RNF216: variants seen among roughly 807,000 people sequenced by gnomAD.
RNF216 encodes the protein E3 ubiquitin-protein ligase RNF216.
A neutral mutation model predicts 110.8 loss-of-function variants in RNF216; 72 were observed. The observed-to-expected ratio is 0.65, with a 90% confidence interval of 0.54 to 0.79. The LOEUF is 0.79. RNF216 is among the 30% of genes least tolerant of loss of function. RNF216 has a pLI of 0.00. For synonymous variants in RNF216, 495 were observed against 407.5 expected (o/e 1.21, Z -2.59); for missense variants, 1,342 against 1,141.2 (o/e 1.18, Z -2.54).
At chr7:5,637,250 T>G (rs980124889) in intron 15 of RNF216, among the ~76,000 whole-genome samples, 3 of 152,178 alleles carry the variant, frequency 2.0e-5, no homozygotes, top group Non-Finnish European at 4.4e-5. Flanking sequence ...CACTTCCCAC[T>G]GTGGGCTGCA....
chr7:5,625,341 C>T (rs1305043267), intron 15 of RNF216, among the ~76,000 whole-genome samples: 1 of 152,200 alleles, frequency 6.6e-6, no homozygotes, highest in Non-Finnish European at 1.5e-5. Context: ...TGCAAGCAGT[C>T]TAATGAAAGC....
At chr7:5,724,257 C>A (rs1173687164) in intron 8 of RNF216, among the ~76,000 whole-genome samples, 1 of 152,140 alleles carries the variant, frequency 6.6e-6, no homozygotes, top group Non-Finnish European at 1.5e-5. Flanking sequence ...GATGAAGGGA[C>A]AACAGTCAGA....
At chr7:5,667,070 T>C (rs1356724034) in intron 13 of RNF216, among the ~76,000 whole-genome samples, 2 of 152,256 alleles carry the variant, frequency 1.3e-5, no homozygotes, top group East Asian at 3.9e-4. Flanking sequence ...GCCTCCCATA[T>C]GCTGGGATTA....
At chr7:5,673,154 C>G (rs140248700) in intron 13 of RNF216, among the ~76,000 whole-genome samples, 6 of 152,144 alleles carry the variant, frequency 3.9e-5, no homozygotes, top group Non-Finnish European at 7.4e-5. Context: ...AATGCCCCAC[C>G]TGCGGGCAGT....
chr7:5,658,861 A>C (rs76368066), intron 13 of RNF216, among the ~76,000 whole-genome samples: 8 of 152,146 alleles, frequency 5.3e-5, no homozygotes, highest in African/African-American at 1.9e-4. Context: ...TACGGCAAGC[A>C]ATAAAATTGT....
At chr7:5,770,503 TAAATGTAGAGACATACCATATTCAC>T (rs1457029566) in intron 1 of RNF216, among the ~76,000 whole-genome samples, 4 of 151,286 alleles carry the variant, frequency 2.6e-5, no homozygotes, top group African/African-American at 4.9e-5. Context: ...AAATATCAAA[TAAATGTAGAGACATACCATATTCAC>T]GGGTGGGAAA....
chr7:5,713,470 C>T (rs6463507), intron 11 of RNF216: 124,968 of 152,322 alleles, frequency 0.82, 53,149 homozygotes, highest in Middle Eastern at 0.92. Flanking sequence ...AGAGAACTCT[C>T]CAGACCTTTC....
chr7:5,745,509 A>G lies in RNF216; in HGVS notation c.202-3694T>C, dbSNP rs186501061. Among the ~76,000 whole-genome samples, 1,521 of 152,336 alleles carry G rather than the reference A, an allele frequency of 1.0e-2. 19 individuals carry two copies. Among genetic ancestry groups the G allele is most frequent in the South Asian group, 0.019 (92 of 4,832 alleles). Reference sequence around the variant, plus strand: ...CACGTGAAAGAAGCATAAAAATTGGAAAGACAGATCAGATGCACGTTTTCA... The same window carrying G: ...CACGTGAAAGAAGCATAAAAATTGGGAAGACAGATCAGATGCACGTTTTCA... On this transcript the variant is annotated intron_variant, in intron 3 of 16. Transcript: ENST00000389902.
At chr7:5,653,290 C>A (rs1226596426) in intron 13 of RNF216, among the ~76,000 whole-genome samples, 1 of 152,026 alleles carries the variant, frequency 6.6e-6, no homozygotes, top group East Asian at 1.9e-4. Flanking sequence ...TATCCCACAT[C>A]AGTAAGAATA....
intron 13 of RNF216, among the ~76,000 whole-genome samples, chr7:5,672,465 G>A (rs1419632267): frequency 1.3e-5 from 2 of 152,180 alleles, no homozygotes; most frequent in Non-Finnish European, 2.9e-5. Flanking sequence ...ACACACACAT[G>A]ATGTAGTGCT....
At chr7:5,635,695 G>T (rs532013672) in intron 15 of RNF216, among the ~76,000 whole-genome samples, 1 of 152,172 alleles carries the variant, frequency 6.6e-6, no homozygotes, top group African/African-American at 2.4e-5. Flanking sequence ...CAAATGACCC[G>T]GGTGGAAACC....
intron 3 of RNF216, among the ~76,000 whole-genome samples, chr7:5,744,470 G>A (rs1794927114): frequency 1.3e-5 from 2 of 151,868 alleles, no homozygotes; most frequent in South Asian, 2.1e-4. Flanking sequence ...GGGAGGGAAG[G>A]GAAGGAGGGG....
chr7:5,759,226 C>T lies in RNF216; in HGVS notation c.67+1777G>A, dbSNP rs1380000205. Reference sequence around the variant, plus strand: ...TAAGGCCTCCCCCAGAAGCAGAGGCCGCTATGTTTCCTATACAGCCTACAG... The same window carrying T: ...TAAGGCCTCCCCCAGAAGCAGAGGCTGCTATGTTTCCTATACAGCCTACAG... On this transcript the variant is annotated intron_variant, in intron 2 of 16. Transcript: ENST00000389902. 2.0e-5 allele frequency among the ~76,000 whole-genome samples: 3 copies of T among 152,214 alleles called. No individual in the cohort carries two copies. In the East Asian group the frequency reaches 5.8e-4, roughly 29 times the overall value.
At chr7:5,681,726 C>T (rs934838151) in intron 13 of RNF216, among the ~76,000 whole-genome samples, 2 of 152,116 alleles carry the variant, frequency 1.3e-5, no homozygotes, top group African/African-American at 2.4e-5. Flanking sequence ...GACCACACTG[C>T]GAAACCACAC....
At chr7:5,654,823 C>T (rs1584386527) in intron 13 of RNF216, among the ~76,000 whole-genome samples, 1 of 151,884 alleles carries the variant, frequency 6.6e-6, no homozygotes, top group South Asian at 2.1e-4. Flanking sequence ...TCACCTACAT[C>T]CCATTCAGTA....
At chr7:5,757,794 T>C (rs1795723358) in intron 2 of RNF216, among the ~76,000 whole-genome samples, 1 of 152,166 alleles carries the variant, frequency 6.6e-6, no homozygotes. Flanking sequence ...TTCCATATCA[T>C]AATTCAGGTG....
At chr7:5,770,894 G>A (rs1013794475) in intron 1 of RNF216, among the ~76,000 whole-genome samples, 9 of 149,208 alleles carry the variant, frequency 6.0e-5, no homozygotes, top group African/African-American at 1.2e-4. Flanking sequence ...TGCAACCTCC[G>A]CCTCCTGGGT....
At chr7:5,643,797 C>T (rs1054404536) in intron 14 of RNF216, among the ~76,000 whole-genome samples, 4 of 152,030 alleles carry the variant, frequency 2.6e-5, no homozygotes, top group Admixed American at 2.6e-4. Flanking sequence ...CTTTTATAAC[C>T]CCAAAAGGAA....
At chr7:5,774,471 C>CTT (rs568437125) in intron 1 of RNF216, among the ~76,000 whole-genome samples, 1,590 of 152,222 alleles carry the variant, frequency 0.01, 14 homozygotes, top group Middle Eastern at 0.024. Flanking sequence ...AAAATAAAAA[C>CTT]TTTTTAAAAA....
Sources: allele counts gnomAD v4.1 joint callset (sites outside exome capture counted in the v4.1 genomes callset), GRCh38; gene constraint gnomAD v4.1.1; transcripts MANE v1.5; gene names NCBI Gene and HGNC (gene_info 2026-07-23, HGNC 2026-07-21).